Variants in MLLT1 observed in about 807,000 individuals in gnomAD.
MLLT1 encodes protein ENL.
In MLLT1, 11 loss-of-function variants were observed where a neutral mutation model predicts 55.1. That is an observed-to-expected ratio of 0.20 (90% CI 0.13 to 0.33). The LOEUF (loss-of-function observed/expected upper bound fraction) is 0.33. Ranked by LOEUF, MLLT1 falls within the 10% of genes least tolerant of loss-of-function variation. MLLT1 has a pLI of 1.00. For missense variants in MLLT1, 536 were observed against 760.6 expected, an observed-to-expected ratio of 0.70 and a Z score of 3.47; for synonymous variants, 323 against 320.1, an observed-to-expected ratio of 1.01 and a Z score of -0.10.
chr19:6,259,025 T>C (rs2091281415), intron 3 of MLLT1: 1 of 152,208 alleles, frequency 6.6e-6, no homozygotes, highest in Non-Finnish European at 1.5e-5. Flanking sequence ...AACCCCATCT[T>C]ATGGATAGAC....
At chr19:6,253,972 C>G (rs1315649682) in intron 3 of MLLT1, among the ~76,000 whole-genome samples, 1 of 152,128 alleles carries the variant, frequency 6.6e-6, no homozygotes, top group South Asian at 2.1e-4. Flanking sequence ...GACACAAAGG[C>G]CTCTAAGATC....
chr19:6,266,276 C>CAAA (rs35972478), intron 2 of MLLT1, among the ~76,000 whole-genome samples: 8 of 73,566 alleles, frequency 1.1e-4, no homozygotes, highest in South Asian at 4.6e-4. Flanking sequence ...ATTCTGTCTC[C>CAAA]AAAAAAAAAA....
In MLLT1 at chr19:6,212,663, C is replaced by T. The variant is rs1016478321; in HGVS notation, c.*379G>A. The T allele has an allele frequency of 1.2e-5, 13 of 1,107,932 alleles. No homozygotes were observed. Among genetic ancestry groups the T allele is most frequent in the East Asian group, 4.8e-5 (1 of 20,960 alleles). The allele number at this position is 1,107,932 out of a possible 1,614,324, so 68.6% of individuals were successfully genotyped here. On this transcript the variant is annotated 3_prime_UTR_variant, in exon 12 of 12. Coordinates refer to ENST00000252674, the MANE Select transcript of MLLT1 (RefSeq NM_005934.4). Reference sequence around the variant, plus strand: ...GAGGCTGGAGATGCCCCCCAGCCGTCGATCCGCTGCTCAGAAAGGCTGGGG... The same window carrying T: ...GAGGCTGGAGATGCCCCCCAGCCGTTGATCCGCTGCTCAGAAAGGCTGGGG...
chr19:6,261,270 C>T (rs890147767), intron 3 of MLLT1, among the ~76,000 whole-genome samples: 3 of 152,204 alleles, frequency 2.0e-5, no homozygotes, highest in African/African-American at 4.8e-5. Context: ...GGACCCCGCG[C>T]GAGGCCTTGC....
chr19:6,217,210 C>T (rs1207443153), intron 7 of MLLT1, among the ~76,000 whole-genome samples: 3 of 152,122 alleles, frequency 2.0e-5, no homozygotes, highest in East Asian at 1.9e-4. Context: ...GGCAACTGCA[C>T]GGCTGAATTC....
chr19:6,227,169 G>A lies in MLLT1; in HGVS notation c.421-67C>T. The A allele has an allele frequency of 6.6e-7, 1 of 1,513,174 alleles. No homozygotes were observed. Among genetic ancestry groups the A allele is most frequent in the South Asian group, 1.2e-5 (1 of 80,206 alleles). The allele number at this position is 1,513,174 out of a possible 1,614,324, so 93.7% of individuals were successfully genotyped here. On this transcript the variant is annotated intron_variant, in intron 4 of 11. Transcript: ENST00000252674. The surrounding 1 kb of genome is among the most constrained non-coding windows in gnomAD (Gnocchi z 5.1). Reference sequence around the variant, plus strand: ...GCAGGGGGCCCACACGGGCCGGGCTGAAGGTGGTGGGGCTTCCCTCTGCAG... The same window carrying A: ...GCAGGGGGCCCACACGGGCCGGGCTAAAGGTGGTGGGGCTTCCCTCTGCAG...
rs1341361316 is a variant in MLLT1, at chr19:6,229,794, G to A, written c.420+776C>T. 3.3e-5 allele frequency among the ~76,000 whole-genome samples: 5 copies of A among 150,584 alleles called. No individual in the cohort carries two copies. In the East Asian group the frequency reaches 9.8e-4, roughly 29 times the overall value. On this transcript the variant is annotated intron_variant, in intron 4 of 11. Transcript: ENST00000252674. This position sits in a 1 kb window ranked among gnomAD's most constrained non-coding sequence, Gnocchi z 5.2. ...ACGACACACACCCCATACCACACAT[G>A]CCACTCACACCATACACGAGACACA...
rs1162722649 is a variant in MLLT1, at chr19:6,226,503, G to A, written c.546+474C>T. Reference sequence around the variant, plus strand: ...AGCTGGCACCCACCTGGCTTCCCCTGCCCTTCCCCCACGAAACTCTGCAGT... The same window carrying A: ...AGCTGGCACCCACCTGGCTTCCCCTACCCTTCCCCCACGAAACTCTGCAGT... On this transcript the variant is annotated intron_variant, in intron 5 of 11. Coordinates refer to ENST00000252674, the MANE Select transcript of MLLT1 (RefSeq NM_005934.4). This position sits in a 1 kb window ranked among gnomAD's most constrained non-coding sequence, Gnocchi z 6.3. Among the ~76,000 whole-genome samples, 2 of 152,136 alleles carry A rather than the reference G, an allele frequency of 1.3e-5. No individual in the cohort carries two copies. The highest frequency in any genetic ancestry group is 2.9e-5 in the Non-Finnish European group (2 of 68,032).
rs1600175319 is a variant in MLLT1 at position 6,222,076 on chromosome 19, C to G, written c.1110+45G>C. 1.4e-6 allele frequency: 2 copies of G among 1,428,226 alleles called. No homozygotes were observed. Among genetic ancestry groups the G allele is most frequent in the East Asian group, 2.6e-5 (1 of 38,644 alleles). 88.5% of individuals were successfully genotyped at this position (1,428,226 alleles called of 1,614,324 possible). A position where few individuals can be genotyped will look rare whatever the true frequency, so the allele number is the denominator to read the frequency against. On this transcript the variant is annotated intron_variant, in intron 6 of 11. Coordinates refer to ENST00000252674, the MANE Select transcript of MLLT1 (RefSeq NM_005934.4). The surrounding 1 kb of genome is among the most constrained non-coding windows in gnomAD (Gnocchi z 4.1). ...TGTTCCAGAAGGGAGGCGGGTCCCA[C>G]CACACTGCCTGCACCTGGCTGCCCT... is the stretch of plus-strand genomic sequence containing the variant.
intron 3 of MLLT1, among the ~76,000 whole-genome samples, chr19:6,246,705 C>T (rs1426743456): frequency 6.6e-6 from 1 of 152,168 alleles, no homozygotes; most frequent in Non-Finnish European, 1.5e-5. Context: ...AGATACACGA[C>T]TCTCTGCATG....
chr19:6,252,785 A>G (rs1271926817), intron 3 of MLLT1, among the ~76,000 whole-genome samples: 1 of 152,214 alleles, frequency 6.6e-6, no homozygotes, highest in Admixed American at 6.5e-5. Flanking sequence ...TGAAGAGATC[A>G]ACTAAATTGA....
Position 6,270,768 on chromosome 19 carries a change from G to C in MLLT1, c.13-9C>G, listed in dbSNP as rs1221024101. 5 of 1,594,816 alleles carry C rather than the reference G, an allele frequency of 3.1e-6. No homozygotes were observed. In the African/African-American group the frequency reaches 4.0e-5, roughly 13 times the overall value. ...CTCACCTGGACGGTGCACTGGAGGAGAGAGAGGTGGGGAGATGAAGTCAGC... is the reference window on the plus strand; with the variant it reads ...CTCACCTGGACGGTGCACTGGAGGACAGAGAGGTGGGGAGATGAAGTCAGC... On this transcript the variant is annotated splice_polypyrimidine_tract_variant and intron_variant, in intron 1 of 11. Coordinates refer to ENST00000252674, the MANE Select transcript of MLLT1 (RefSeq NM_005934.4). The surrounding 1 kb of genome is among the most constrained non-coding windows in gnomAD (Gnocchi z 7.1).
Position 6,231,876 on chromosome 19 carries a change from G to A in MLLT1, c.277-1163C>T, listed in dbSNP as rs2144880548. Among the ~76,000 whole-genome samples the A allele has an allele frequency of 6.6e-6, 1 of 152,260 alleles. No homozygotes were observed. The highest frequency in any genetic ancestry group is 1.5e-5 in the Non-Finnish European group (1 of 68,024). ...AATGATGTAAGCCACAGGTCCCAGG[G>A]GAGTGTGGGAAAACCGCACTATGAC... On this transcript the variant is annotated intron_variant, in intron 3 of 11. Transcript: ENST00000252674. The surrounding 1 kb of genome is among the most constrained non-coding windows in gnomAD (Gnocchi z 5.1).
At position 6,256,202 on chromosome 19, in the gene MLLT1, G is replaced by A. The variant is rs181336135; in HGVS notation, c.276+6026C>T. Among the ~76,000 whole-genome samples the A allele has an allele frequency of 3.7e-4, 55 of 149,700 alleles. No individual in the cohort carries two copies. Among genetic ancestry groups the A allele is most frequent in the African/African-American group, 1.3e-3 (53 of 39,820 alleles). ...ACTGCACTCCAGCCTGGACAAGAGC[G>A]AAACTCTGTCTCAAAAAGATAAATA... On this transcript the variant is annotated intron_variant, in intron 3 of 11. Coordinates refer to ENST00000252674, the MANE Select transcript of MLLT1 (RefSeq NM_005934.4). This position sits in a 1 kb window ranked among gnomAD's most constrained non-coding sequence, Gnocchi z 4.1.
At chr19:6,265,904 G>A (rs1568296666) in intron 2 of MLLT1, among the ~76,000 whole-genome samples, 1 of 150,986 alleles carries the variant, frequency 6.6e-6, no homozygotes, top group African/African-American at 2.4e-5. Flanking sequence ...GCTTGAACCC[G>A]GGAGGCGGAG....
At chr19:6,248,219 T>G (rs2091185038) in intron 3 of MLLT1, among the ~76,000 whole-genome samples, 1 of 152,218 alleles carries the variant, frequency 6.6e-6, no homozygotes, top group Non-Finnish European at 1.5e-5. Flanking sequence ...ATTTTGGATT[T>G]CTGGATTAGG....
intron 2 of MLLT1, among the ~76,000 whole-genome samples, chr19:6,264,472 G>C (rs1469391285): frequency 6.6e-6 from 1 of 151,860 alleles, no homozygotes; most frequent in Non-Finnish European, 1.5e-5. Flanking sequence ...CCACCAGGAG[G>C]AAAGAGCCCG....
chr19:6,279,342 G>A (rs755073482), intron 1 of MLLT1, among the ~76,000 whole-genome samples: 61 of 152,176 alleles, frequency 4.0e-4, no homozygotes, highest in Non-Finnish European at 7.4e-4. Flanking sequence ...GGCCCCGGGA[G>A]GGGTCTGAAC....
At chr19:6,247,572 T>C (rs535018633) in intron 3 of MLLT1, among the ~76,000 whole-genome samples, 1 of 152,334 alleles carries the variant, frequency 6.6e-6, no homozygotes, top group South Asian at 2.1e-4. Context: ...CGGCTCTTCC[T>C]TACTGAAAAA....
Sources: gnomAD v4.1 joint callset for allele counts (sites outside exome capture counted in the v4.1 genomes callset) on GRCh38, gnomAD v4.1.1 for gene constraint, Gnocchi (gnomAD v3.1) non-coding constraint, MANE v1.5 for transcripts, NCBI Gene and HGNC (gene_info 2026-07-23, HGNC 2026-07-21) for gene names.